PCDHGA3: variants seen among roughly 807,000 people sequenced by gnomAD.
PCDHGA3 encodes protocadherin gamma subfamily A, 3.
PCDHGA3 carries 40 observed loss-of-function variants against 58.5 expected under a neutral mutation model. The ratio of observed to expected loss-of-function variants is 0.68; its 90% CI spans 0.53 to 0.89. PCDHGA3 has a LOEUF of 0.89. PCDHGA3 is among the 40% of genes least tolerant of loss of function. The probability of loss-of-function intolerance (pLI) is 0.00; values close to 1 mark genes in which losing one functional copy is unlikely to be tolerated. For missense variants in PCDHGA3, 1,223 were observed against 1,195.9 expected (o/e 1.02, Z -0.33); for synonymous variants, 530 against 525.7 (o/e 1.01, Z -0.11).
chr5:141,375,495 T>A, intron 1 of PCDHGA3: 1 of 1,613,918 alleles, frequency 6.2e-7, no homozygotes, highest in Admixed American at 1.7e-5. Flanking sequence ...GGTGCCTCCA[T>A]CTTCTCTGTG....
chr5:141,427,265 C>G (rs767369457), intron 1 of PCDHGA3: 1 of 456,688 alleles, frequency 2.2e-6, no homozygotes, highest in Non-Finnish European at 4.4e-6. Context: ...GCATGACCAG[C>G]GAATGTAAAA....
intron 1 of PCDHGA3, chr5:141,350,670 T>C (rs970651828): frequency 3.1e-6 from 5 of 1,613,886 alleles, no homozygotes; most frequent in Non-Finnish European, 4.2e-6. Context: ...GGCATTGACT[T>C]AGAAATTTGT....
intron 1 of PCDHGA3, among the ~76,000 whole-genome samples, chr5:141,407,232 A>G (rs2094902362): frequency 6.6e-6 from 1 of 152,242 alleles, no homozygotes; most frequent in African/African-American, 2.4e-5. Flanking sequence ...CAAAAAAAAT[A>G]AAGCATACTT....
At chr5:141,385,412 G>T in intron 1 of PCDHGA3, 1 of 1,472,506 alleles carries the variant, frequency 6.8e-7, no homozygotes, top group Admixed American at 2.7e-5. Context: ...TTGAAAATAG[G>T]GATTTAAAAA....
rs1248410660 is a variant in PCDHGA3, at chr5:141,394,098, A to G, written c.2424+47641A>G. On this transcript the variant is annotated intron_variant, in intron 1 of 3. Transcript: ENST00000253812. The stretch of plus-strand genomic sequence containing the variant: ...CACAGTGATGGCCTCAGATCTAGGA[A>G]CACCACCTCTGTCCACTGAAACTCA... 2.5e-6 allele frequency: 4 copies of G among 1,613,854 alleles called. No individual in the cohort carries two copies. In the East Asian group the frequency reaches 8.9e-5, roughly 36 times the overall value.
intron 1 of PCDHGA3, among the ~76,000 whole-genome samples, chr5:141,363,346 G>C (rs1762883657): frequency 6.6e-6 from 1 of 152,068 alleles, no homozygotes; most frequent in African/African-American, 2.4e-5. Flanking sequence ...ATGACTTTCT[G>C]AAATGTCCAT....
chr5:141,404,656 C>A, intron 1 of PCDHGA3: 1 of 1,614,176 alleles, frequency 6.2e-7, no homozygotes, highest in Non-Finnish European at 8.5e-7. Context: ...CTGCCCTCCC[C>A]ACTGATGGTT....
chr5:141,362,023 C>G (rs773499284), intron 1 of PCDHGA3: 2 of 1,607,808 alleles, frequency 1.2e-6, no homozygotes. Context: ...GCGCACAGCG[C>G]GTGCCTTGGG....
chr5:141,355,025 T>A, intron 1 of PCDHGA3: 2 of 933,162 alleles, frequency 2.1e-6, no homozygotes, highest in East Asian at 2.9e-5. Flanking sequence ...TTAATCAGAA[T>A]CACAAGATTT....
rs376996144 is a variant in PCDHGA3, at chr5:141,491,534, G to C, written c.2425-3273G>C. 3.7e-6 allele frequency: 6 copies of C among 1,613,912 alleles called. No homozygotes were observed. The highest frequency in any genetic ancestry group is 1.3e-5 in the African/African-American group (1 of 74,928). ...CTCAAGTACATGGAGGTGACGCTGC[G>C]GCCCACAGACTCGCAGAGCCACTGC... On this transcript the variant is annotated intron_variant, in intron 1 of 3. Coordinates refer to ENST00000253812, the MANE Select transcript of PCDHGA3 (RefSeq NM_018916.4). This position sits in a 1 kb window ranked among gnomAD's most constrained non-coding sequence, Gnocchi z 6.9.
At position 141,384,871 on chromosome 5, in the gene PCDHGA3, G is replaced by A. The variant is rs769607351; in HGVS notation, c.2424+38414G>A. On this transcript the variant is annotated intron_variant, in intron 1 of 3. Coordinates refer to ENST00000253812, the MANE Select transcript of PCDHGA3 (RefSeq NM_018916.4). ...CGGTCAGCCTCCTCTGTCAGCCACC[G>A]TCACACTCACCGTGGCTGTGGCTGA... is the stretch of plus-strand genomic sequence containing the variant. 9 of 1,613,648 alleles carry A rather than the reference G, an allele frequency of 5.6e-6. No individual in the cohort carries two copies. Among genetic ancestry groups the A allele is most frequent in the South Asian group, 1.1e-5 (1 of 91,092 alleles).
intron 1 of PCDHGA3, chr5:141,421,750 C>G: frequency 6.2e-7 from 1 of 1,613,906 alleles, no homozygotes; most frequent in East Asian, 2.2e-5. Flanking sequence ...CCAGCTCAGC[C>G]CTAATAATTA....
At chr5:141,503,598 C>CAAA (rs765754054) in intron 2 of PCDHGA3, among the ~76,000 whole-genome samples, 1 of 65,748 alleles carries the variant, frequency 1.5e-5, no homozygotes. Context: ...GACTCCAGCT[C>CAAA]AAAAAAAAAA....
rs1269612127 is a variant in PCDHGA3, at chr5:141,352,326, T to C, written c.2424+5869T>C. 5 of 1,614,058 alleles carry C rather than the reference T, an allele frequency of 3.1e-6. No individual in the cohort carries two copies. In the Admixed American group the frequency reaches 5.0e-5, roughly 16 times the overall value. On this transcript the variant is annotated intron_variant, in intron 1 of 3. Transcript: ENST00000253812. ...CAGACGGAACTGCAGTTTTACCTGG[T>C]TGTGGCCTTGGCCTTGATCTCAGTG...
intron 1 of PCDHGA3, chr5:141,428,912 T>C (rs1010303812): frequency 6.6e-6 from 1 of 151,946 alleles, no homozygotes; most frequent in Non-Finnish European, 1.5e-5. Context: ...TGGAGTGCAG[T>C]GGCATGATCT....
rs1308866536 is a variant in PCDHGA3 at position 141,464,896 on chromosome 5, GT to G, written c.2425-29910del. On this transcript the variant is annotated intron_variant, in intron 1 of 3. Coordinates refer to ENST00000253812, the MANE Select transcript of PCDHGA3 (RefSeq NM_018916.4). ...TAGGACTACAGATGGATGCCACCAT[GT>G]CCAGCTAATTTTTTTATTTTTTTGT... 2.0e-5 allele frequency among the ~76,000 whole-genome samples: 3 copies of G among 151,672 alleles called. No homozygotes were observed. The East Asian group carries it at 5.8e-4, about 30-fold the overall frequency.
chr5:141,403,434 A>G, intron 1 of PCDHGA3: 1 of 1,614,024 alleles, frequency 6.2e-7, no homozygotes, highest in Non-Finnish European at 8.5e-7. Flanking sequence ...ATTGATCCGG[A>G]TGTTGGCGTG....
intron 1 of PCDHGA3, among the ~76,000 whole-genome samples, chr5:141,458,275 G>A (rs975142859): frequency 2.6e-5 from 4 of 152,142 alleles, no homozygotes; most frequent in Non-Finnish European, 5.9e-5. Flanking sequence ...GAACAACAGG[G>A]TTCCTGGTCC....
chr5:141,427,931 G>T (rs1381637805), intron 1 of PCDHGA3: 3 of 1,583,646 alleles, frequency 1.9e-6, no homozygotes, highest in Non-Finnish European at 2.6e-6. Flanking sequence ...GGCGCATGTT[G>T]GTGGGCGACC....
Sources: gnomAD v4.1 joint callset for allele counts (sites outside exome capture counted in the v4.1 genomes callset) on GRCh38, gnomAD v4.1.1 for gene constraint, Gnocchi (gnomAD v3.1) non-coding constraint, MANE v1.5 for transcripts, NCBI Gene and HGNC (gene_info 2026-07-23, HGNC 2026-07-21) for gene names.